Variants in UNC5D observed in about 807,000 individuals in gnomAD.
The protein encoded by UNC5D is unc-5 netrin receptor D.
A neutral mutation model predicts 105.4 loss-of-function variants in UNC5D; 39 were observed. That is an observed-to-expected ratio of 0.37 (90% confidence interval 0.29 to 0.48). The LOEUF is 0.48. Among genes scored for constraint, UNC5D ranks in the 20% least tolerant of loss-of-function variants. UNC5D has a pLI of 0.98. For missense variants in UNC5D, 991 were observed against 1,202.4 expected, an observed-to-expected ratio of 0.82 and a Z score of 2.60; for synonymous variants, 452 against 450.4, an observed-to-expected ratio of 1.00 and a Z score of -0.04.
chr8:35,639,920 C>T (rs909096515), intron 4 of UNC5D, among the ~76,000 whole-genome samples: 1 of 151,574 alleles, frequency 6.6e-6, no homozygotes, highest in Non-Finnish European at 1.5e-5. Flanking sequence ...GTGATGAGGT[C>T]TCATTTATTG....
chr8:35,286,801 G>A (rs1012976876), intron 1 of UNC5D, among the ~76,000 whole-genome samples: 2 of 152,168 alleles, frequency 1.3e-5, no homozygotes, highest in Non-Finnish European at 2.9e-5. Context: ...CTCTGGCCTT[G>A]TCCACCTTGT....
intron 1 of UNC5D, among the ~76,000 whole-genome samples, chr8:35,272,395 GA>G: frequency 6.6e-6 from 1 of 152,292 alleles, no homozygotes; most frequent in African/African-American, 2.4e-5. Flanking sequence ...CTGAGGGGAA[GA>G]GAAGACTCAG....
chr8:35,731,046 AGAG>A lies in UNC5D; in HGVS notation c.1720_1722del (p.Glu574del), dbSNP rs1482825499. On this transcript the variant is annotated inframe_deletion, in exon 11 of 17. Transcript: ENST00000404895. ...TACTCATACCACACGGTGCCATCCCAGAGGAGAATTCTTGGGAGATTTATATGT... is the reference window on the plus strand; with the variant it reads ...TACTCATACCACACGGTGCCATCCCAGAGAATTCTTGGGAGATTTATATGT... 5 of 1,613,956 alleles carry A rather than the reference AGAG, an allele frequency of 3.1e-6. No homozygotes were observed. The East Asian group carries it at 6.7e-5, about 22-fold the overall frequency.
chr8:35,455,708 C>T (rs557144817), intron 1 of UNC5D, among the ~76,000 whole-genome samples: 5 of 151,694 alleles, frequency 3.3e-5, no homozygotes, highest in Admixed American at 1.3e-4. Context: ...GTAATGGACT[C>T]ACCATTCCAT....
intron 1 of UNC5D, among the ~76,000 whole-genome samples, chr8:35,309,417 A>G (rs1463520714): frequency 1.3e-5 from 2 of 152,070 alleles, no homozygotes; most frequent in Admixed American, 6.6e-5. Context: ...TGTGTATCCT[A>G]TGTCTCTCTC....
At chr8:35,479,127 A>T (rs1000631106) in intron 1 of UNC5D, among the ~76,000 whole-genome samples, 4 of 152,174 alleles carry the variant, frequency 2.6e-5, no homozygotes, top group African/African-American at 9.7e-5. Context: ...GGAGAGCTTT[A>T]TCCCTGCCAT....
intron 1 of UNC5D, among the ~76,000 whole-genome samples, chr8:35,381,782 TC>T: frequency 6.6e-6 from 1 of 152,328 alleles, no homozygotes; most frequent in East Asian, 1.9e-4. Context: ...AAAGTCTTTA[TC>T]ACAAAGCATA....
chr8:35,444,563 C>T (rs1387460834), intron 1 of UNC5D, among the ~76,000 whole-genome samples: 1 of 151,972 alleles, frequency 6.6e-6, no homozygotes, highest in East Asian at 1.9e-4. Flanking sequence ...TCTCTCTTCC[C>T]AAATTCATTC....
At position 35,248,089 on chromosome 8, in the gene UNC5D, T is replaced by A. The variant is rs1251836133; in HGVS notation, c.103+12202T>A. Among the ~76,000 whole-genome samples the A allele has an allele frequency of 3.4e-4, 25 of 72,920 alleles. 1 individual carries two copies. The highest frequency in any genetic ancestry group is 4.6e-4 in the Non-Finnish European group (20 of 43,516). The allele number at this position is 72,920 out of a possible 152,430, so 47.8% of individuals were successfully genotyped here. A position where few individuals can be genotyped will look rare whatever the true frequency, so the allele number is the denominator to read the frequency against. On this transcript the variant is annotated intron_variant, in intron 1 of 16. Transcript: ENST00000404895. Reference sequence around the variant, plus strand: ...TATATTATATATAAAAAATATAATATATAAATATATATTATATATAAAAAA... The same window carrying A: ...TATATTATATATAAAAAATATAATAAATAAATATATATTATATATAAAAAA...
intron 1 of UNC5D, among the ~76,000 whole-genome samples, chr8:35,512,174 A>G (rs1812755282): frequency 6.6e-6 from 1 of 152,054 alleles, no homozygotes; most frequent in Non-Finnish European, 1.5e-5. Context: ...AAAAGTATAA[A>G]GCATAAGTTC....
intron 4 of UNC5D, among the ~76,000 whole-genome samples, chr8:35,634,465 C>G (rs1023192730): frequency 6.6e-6 from 1 of 152,180 alleles, no homozygotes; most frequent in African/African-American, 2.4e-5. Flanking sequence ...CCAAGGTCCT[C>G]TGGTTCCAAC....
chr8:35,412,484 T>C (rs981668947), intron 1 of UNC5D, among the ~76,000 whole-genome samples: 3 of 151,106 alleles, frequency 2.0e-5, no homozygotes, highest in Admixed American at 2.0e-4. Flanking sequence ...AAAAAAGCAC[T>C]GAACCACAAT....
rs1168102584 is a variant in UNC5D, at chr8:35,272,799, A to T, written c.103+36912A>T. On this transcript the variant is annotated intron_variant, in intron 1 of 16. Transcript: ENST00000404895. ...CAGTAGTCACTGTGATTAAAAAGCA[A>T]GTAACATGTGAAACTCAAAGTAAAA... Among the ~76,000 whole-genome samples, 4 of 152,244 alleles carry T rather than the reference A, an allele frequency of 2.6e-5. No homozygotes were observed. In the South Asian group the frequency reaches 8.3e-4, roughly 31 times the overall value.
At chr8:35,385,421 G>T (rs1437089528) in intron 1 of UNC5D, among the ~76,000 whole-genome samples, 1 of 150,388 alleles carries the variant, frequency 6.6e-6, no homozygotes, top group Non-Finnish European at 1.5e-5. Context: ...ATTAGATAGG[G>T]TCACACCTGT....
chr8:35,587,681 A>G (rs1818876491), intron 3 of UNC5D, among the ~76,000 whole-genome samples: 1 of 152,016 alleles, frequency 6.6e-6, no homozygotes, highest in Non-Finnish European at 1.5e-5. Flanking sequence ...TTTGATAGAC[A>G]TCGTAGGAGT....
intron 4 of UNC5D, among the ~76,000 whole-genome samples, chr8:35,678,927 TGAC>T (rs1465864981): frequency 6.6e-6 from 1 of 152,136 alleles, no homozygotes; most frequent in East Asian, 1.9e-4. Context: ...AAGCCCATAA[TGAC>T]GAGTACAAAT....
intron 4 of UNC5D, among the ~76,000 whole-genome samples, chr8:35,670,859 T>C (rs1824745552): frequency 6.6e-6 from 1 of 152,172 alleles, no homozygotes. Context: ...ACATGTATCC[T>C]GGAACTTAAA....
chr8:35,453,729 G>A (rs575149901), intron 1 of UNC5D, among the ~76,000 whole-genome samples: 71 of 152,080 alleles, frequency 4.7e-4, no homozygotes, highest in African/African-American at 1.7e-3. Context: ...GCATCTCAAG[G>A]GGGTAGCATA....
At chr8:35,754,560 G>A (rs1004974398) in intron 13 of UNC5D, among the ~76,000 whole-genome samples, 1 of 152,142 alleles carries the variant, frequency 6.6e-6, no homozygotes, top group Non-Finnish European at 1.5e-5. Flanking sequence ...CTCCCCGGAA[G>A]ACCTTGCAAG....
Sources: allele counts gnomAD v4.1 joint callset (sites outside exome capture counted in the v4.1 genomes callset), GRCh38; gene constraint gnomAD v4.1.1; transcripts MANE v1.5; gene names NCBI Gene and HGNC (gene_info 2026-07-23, HGNC 2026-07-21).